ZNF566: variants seen among roughly 807,000 people sequenced by gnomAD.
ZNF566 encodes the protein zinc finger protein 566.
A neutral mutation model predicts 32.8 loss-of-function variants in ZNF566; 27 were observed. The ratio of observed to expected loss-of-function variants is 0.82; its 90% confidence interval spans 0.61 to 1.14. The LOEUF is 1.14. ZNF566 is among the 50% of genes most tolerant of loss of function. ZNF566 has a pLI of 0.00. For missense variants in ZNF566, 402 were observed against 490.4 expected, an observed-to-expected ratio of 0.82 and a Z score of 1.70; for synonymous variants, 154 against 159.5, an observed-to-expected ratio of 0.97 and a Z score of 0.26.
At chr19:36,473,606 A>G in intron 2 of ZNF566, 148 bp from the exon 3 acceptor site, 1 of 624,342 alleles carries the variant, frequency 1.6e-6, no homozygotes, top group Non-Finnish European at 2.5e-6. Flanking sequence ...GTAAACAAAT[A>G]AGCACAACTG....
intron 1 of ZNF566, among the ~76,000 whole-genome samples, chr19:36,488,982 A>G (rs1164305441): frequency 6.6e-6 from 1 of 152,152 alleles, no homozygotes; most frequent in African/African-American, 2.4e-5. Context: ...TCACATAAGC[A>G]CAAGTGCACG....
At chr19:36,475,207 G>A (rs1009692244) in intron 2 of ZNF566, among the ~76,000 whole-genome samples, 1 of 152,080 alleles carries the variant, frequency 6.6e-6, no homozygotes, top group Non-Finnish European at 1.5e-5. Flanking sequence ...CAACATGCCT[G>A]GCTAATTTTT....
chr19:36,465,870 C>A (rs2033599590), intron 4 of ZNF566, among the ~76,000 whole-genome samples: 1 of 150,000 alleles, frequency 6.7e-6, no homozygotes. Context: ...AAATCAAGGC[C>A]AAAGAAATAT....
rs746151898 is a variant in ZNF566 at position 36,449,281 on chromosome 19, T to C, written c.953A>G (p.Asn318Ser). 6 of 1,614,076 alleles carry C rather than the reference T, an allele frequency of 3.7e-6. No individual in the cohort carries two copies. The highest frequency in any genetic ancestry group is 1.3e-5 in the African/African-American group (1 of 74,950). Reference sequence around the variant, plus strand: ...AAGTTGTGAGCTCTGACTAAAGGCATTGCCACATTCCTTACATTCATAGGG... The same window carrying C: ...AAGTTGTGAGCTCTGACTAAAGGCACTGCCACATTCCTTACATTCATAGGG... ...EKPYECKECG[N>S]AFSQSSQLIK... The change falls in exon 5 of 5, where the codon AAT (asparagine) becomes AGT (serine). Residue 318 changes from asparagine (N) to serine (S), a missense_variant. Coordinates refer to ENST00000452939, the MANE Select transcript of ZNF566 (RefSeq NM_001145344.1).
At chr19:36,457,159 C>T (rs1365578287) in intron 4 of ZNF566, among the ~76,000 whole-genome samples, 1 of 152,146 alleles carries the variant, frequency 6.6e-6, no homozygotes. Context: ...GGGGAAAAGA[C>T]AGTTCAATAA....
At chr19:36,478,023 A>G (rs894108354) in intron 1 of ZNF566, among the ~76,000 whole-genome samples, 2 of 152,128 alleles carry the variant, frequency 1.3e-5, no homozygotes, top group Admixed American at 1.3e-4. Context: ...TATAAAGAGC[A>G]CTATTATTCT....
chr19:36,464,183 T>G (rs181280552), intron 4 of ZNF566, among the ~76,000 whole-genome samples: 1 of 152,176 alleles, frequency 6.6e-6, no homozygotes, highest in Non-Finnish European at 1.5e-5. Context: ...AGACTTGTTA[T>G]ATAAACAAGA....
chr19:36,449,440 C>T lies in ZNF566; in HGVS notation c.794G>A (p.Ser265Asn). The change falls in exon 5 of 5, where the codon AGT (serine) becomes AAT (asparagine). Residue 265 changes from serine to asparagine, a missense_variant. By Grantham distance (46) the Ser-to-Asn change is conservative. Around this residue, in one of 3 missense-constraint regions of ZNF566, gnomAD observed 135 missense variants for 210.0 expected, o/e 0.64. Coordinates refer to ENST00000452939, the MANE Select transcript of ZNF566 (RefSeq NM_001145344.1). ...ATGTCGAGTGAAGTTTGAACCACTA[C>T]TAAAGGCTTTCCCACATTCCTTACA... ...YECKECGKAF[S>N]SGSNFTRHQR... 5 of 1,614,018 alleles carry T rather than the reference C, an allele frequency of 3.1e-6. No homozygotes were observed. The highest frequency in any genetic ancestry group is 3.4e-6 in the Non-Finnish European group (4 of 1,179,998).
intron 4 of ZNF566, among the ~76,000 whole-genome samples, chr19:36,471,911 T>C (rs566224020): frequency 2.4e-4 from 36 of 152,086 alleles, no homozygotes; most frequent in Non-Finnish European, 4.4e-4. Flanking sequence ...CCCAGCTGAT[T>C]TTTGTATTTT....
chr19:36,449,650 A>G lies in ZNF566; in HGVS notation c.584T>C (p.Ile195Thr), dbSNP rs1220962287. 6 of 1,613,994 alleles carry G rather than the reference A, an allele frequency of 3.7e-6. No individual in the cohort carries two copies. The highest frequency in any genetic ancestry group is 5.1e-6 in the Non-Finnish European group (6 of 1,180,032). The change falls in exon 5 of 5, where the codon ATT (isoleucine) becomes ACT (threonine). Residue 195 changes from isoleucine (I) to threonine (T), a missense_variant. Ile to Thr is a moderately conservative substitution (Grantham distance 89). Transcript: ENST00000452939. ...TTCCTTACATTCATAAGGCTTCTCAATGGTATGAATTATCTCATGTGTAGC... is the reference window on the plus strand; with the variant it reads ...TTCCTTACATTCATAAGGCTTCTCAGTGGTATGAATTATCTCATGTGTAGC... Reference protein sequence around the residue: ...QFATHEIIHTIEKPYECKECG... With the variant: ...QFATHEIIHTTEKPYECKECG...
intron 4 of ZNF566, among the ~76,000 whole-genome samples, chr19:36,457,137 A>C (rs2033336530): frequency 6.6e-6 from 1 of 152,258 alleles, no homozygotes; most frequent in Non-Finnish European, 1.5e-5. Flanking sequence ...AAAGATGCCA[A>C]GAACACACAA....
At chr19:36,471,475 G>T (rs541101244) in intron 4 of ZNF566, among the ~76,000 whole-genome samples, 2 of 152,158 alleles carry the variant, frequency 1.3e-5, no homozygotes, top group Admixed American at 1.3e-4. Context: ...GCCCTTGAAG[G>T]TCTGCATTCC....
rs75891352 is a variant in ZNF566, at chr19:36,485,477, C to T, written c.-60+4009G>A. Reference sequence around the variant, plus strand: ...AAAAAAAAAAAAAAAAAAAAGTGGCCGGTGCTGGGCGCGGTAGCTCATGCC... The same window carrying T: ...AAAAAAAAAAAAAAAAAAAAGTGGCTGGTGCTGGGCGCGGTAGCTCATGCC... On this transcript the variant is annotated intron_variant, in intron 1 of 4. Transcript: ENST00000452939. Among the ~76,000 whole-genome samples, 761 of 143,290 alleles carry T rather than the reference C, an allele frequency of 5.3e-3. 23 individuals carry two copies. Among genetic ancestry groups the T allele is most frequent in the Admixed American group, 0.038 (531 of 14,152 alleles). The allele number at this position is 143,290 out of a possible 152,430, so 94.0% of individuals were successfully genotyped here. A position where few individuals can be genotyped will look rare whatever the true frequency, so the allele number is the denominator to read the frequency against.
At chr19:36,466,564 G>A (rs2033618365) in intron 4 of ZNF566, among the ~76,000 whole-genome samples, 1 of 152,142 alleles carries the variant, frequency 6.6e-6, no homozygotes, top group Non-Finnish European at 1.5e-5. Flanking sequence ...TATAGGCTAA[G>A]GAAGAATTTC....
At chr19:36,452,736 ACT>A in intron 4 of ZNF566, among the ~76,000 whole-genome samples, 1 of 151,952 alleles carries the variant, frequency 6.6e-6, no homozygotes, top group Non-Finnish European at 1.5e-5. Context: ...AAAATATAAA[ACT>A]CACTGTAAAG....
At chr19:36,454,049 T>G (rs1348607790) in intron 4 of ZNF566, among the ~76,000 whole-genome samples, 1 of 152,006 alleles carries the variant, frequency 6.6e-6, no homozygotes, top group East Asian at 1.9e-4. Flanking sequence ...GGTTTCCAAC[T>G]CCTGACCTCA....
intron 4 of ZNF566, among the ~76,000 whole-genome samples, chr19:36,465,876 A>AAT (rs2033599880): frequency 6.6e-6 from 1 of 151,630 alleles, no homozygotes; most frequent in Non-Finnish European, 1.5e-5. Flanking sequence ...AGGCCAAAGA[A>AAT]ATATATATAT....
intron 4 of ZNF566, among the ~76,000 whole-genome samples, chr19:36,455,766 T>A (rs1270108599): frequency 6.7e-6 from 1 of 148,870 alleles, no homozygotes; most frequent in Non-Finnish European, 1.5e-5. Flanking sequence ...TAAGGCCTCA[T>A]GCAGTGGCTT....
intron 4 of ZNF566, among the ~76,000 whole-genome samples, chr19:36,457,848 A>G (rs2033355731): frequency 6.6e-6 from 1 of 152,188 alleles, no homozygotes; most frequent in African/African-American, 2.4e-5. Flanking sequence ...CTGAGATTGC[A>G]CCACTGCACT....
Sources: gnomAD v4.1 joint callset for allele counts (sites outside exome capture counted in the v4.1 genomes callset) on GRCh38, gnomAD v4.1.1 for gene constraint, gnomAD v4.1.1 regional missense constraint, MANE v1.5 for transcripts, NCBI Gene and HGNC (gene_info 2026-07-23, HGNC 2026-07-21) for gene names.